Variants in RBFOX1 observed in about 807,000 individuals in gnomAD.
The protein encoded by RBFOX1 is RNA binding fox-1 homolog 1, also known as RNA binding protein fox-1 homolog 1.
A neutral mutation model predicts 57.7 loss-of-function variants in RBFOX1; 8 were observed. That is an observed-to-expected ratio of 0.14 (90% CI 0.08 to 0.25). The LOEUF is 0.25. Among genes scored for constraint, RBFOX1 ranks in the 10% least tolerant of loss-of-function variants. The pLI is 1.00. For missense variants in RBFOX1, 611 were observed against 548.5 expected, an observed-to-expected ratio of 1.11 and a Z score of -1.14; for synonymous variants, 326 against 222.4, an observed-to-expected ratio of 1.47 and a Z score of -4.15.
intron 14 of RBFOX1, among the ~76,000 whole-genome samples, chr16:7,706,808 C>T (rs2082602438): frequency 6.6e-6 from 1 of 152,136 alleles, no homozygotes; most frequent in African/African-American, 2.4e-5. Context: ...AGAGCAGTAC[C>T]AAGGTTATAG....
chr16:6,093,259 A>G (rs953403615), intron 1 of RBFOX1, among the ~76,000 whole-genome samples: 1 of 152,152 alleles, frequency 6.6e-6, no homozygotes, highest in Admixed American at 6.5e-5. Context: ...GTTATTATTC[A>G]ATAAAGAATA....
At chr16:6,895,305 T>A (rs1567759463) in intron 3 of RBFOX1, among the ~76,000 whole-genome samples, 2 of 151,308 alleles carry the variant, frequency 1.3e-5, no homozygotes, top group African/African-American at 2.4e-5. Context: ...AAAAAATATA[T>A]AAAACTGGTT....
chr16:6,673,632 C>G (rs762659428), intron 3 of RBFOX1, among the ~76,000 whole-genome samples: 13 of 152,034 alleles, frequency 8.6e-5, no homozygotes, highest in Non-Finnish European at 1.6e-4. Context: ...GTATTGAACA[C>G]AAAGTAATGA....
chr16:5,505,357 A>G (rs892512709), intron 2 of RBFOX1, among the ~76,000 whole-genome samples: 30 of 152,068 alleles, frequency 2.0e-4, no homozygotes, highest in African/African-American at 7.0e-4. Flanking sequence ...TTCTGCTTCT[A>G]TTGCTGCTCC....
At position 7,525,664 on chromosome 16, in the gene RBFOX1, C is replaced by G. The variant is rs9927476; in HGVS notation, c.270+7275C>G. Among the ~76,000 whole-genome samples, 257 of 152,270 alleles carry G rather than the reference C, an allele frequency of 1.7e-3. 2 individuals carry two copies. Among genetic ancestry groups the G allele is most frequent in the African/African-American group, 6.1e-3 (252 of 41,552 alleles). ...TCCCCCTCTCTGACAAAAGAAAGTA[C>G]TTTTAGAATTGTTGGGTGTCCTGGA... On this transcript the variant is annotated intron_variant, in intron 5 of 15. Coordinates refer to ENST00000550418, the MANE Select transcript of RBFOX1 (RefSeq NM_018723.4).
At chr16:5,347,150 C>T (rs1423781806) in intron 1 of RBFOX1, among the ~76,000 whole-genome samples, 1 of 152,140 alleles carries the variant, frequency 6.6e-6, no homozygotes, top group African/African-American at 2.4e-5. Context: ...TCTCCCCTTC[C>T]TGCTTCATGT....
intron 5 of RBFOX1, among the ~76,000 whole-genome samples, chr16:7,544,115 C>G (rs1391420997): frequency 6.6e-6 from 1 of 152,154 alleles, no homozygotes; most frequent in African/African-American, 2.4e-5. Flanking sequence ...GGGAATAAGA[C>G]CAGGAAAGCC....
chr16:6,556,374 C>G (rs1318579744), intron 2 of RBFOX1, among the ~76,000 whole-genome samples: 2 of 152,154 alleles, frequency 1.3e-5, no homozygotes, highest in East Asian at 1.9e-4. Context: ...TGCCGGCTCT[C>G]CTTTTATTCT....
At chr16:6,953,819 G>A (rs192164638) in intron 3 of RBFOX1, among the ~76,000 whole-genome samples, 3 of 152,250 alleles carry the variant, frequency 2.0e-5, no homozygotes, top group East Asian at 1.9e-4. Flanking sequence ...TGATAGAACC[G>A]AGAAAAATAA....
intron 1 of RBFOX1, among the ~76,000 whole-genome samples, chr16:5,284,652 C>T (rs1158615781): frequency 6.6e-6 from 1 of 150,398 alleles, no homozygotes. Context: ...AATGATCTTC[C>T]TGCCTCAGTC....
intron 2 of RBFOX1, among the ~76,000 whole-genome samples, chr16:6,563,986 G>C (rs2097220534): frequency 6.6e-6 from 1 of 151,940 alleles, no homozygotes; most frequent in African/African-American, 2.4e-5. Flanking sequence ...ATTTGGAGGG[G>C]ACAGACATGT....
chr16:6,528,275 C>G (rs147500254), intron 2 of RBFOX1, among the ~76,000 whole-genome samples: 135 of 152,344 alleles, frequency 8.9e-4, no homozygotes, highest in African/African-American at 3.1e-3. Context: ...TGCCCTTCAA[C>G]TCTCAGAGAC....
intron 4 of RBFOX1, among the ~76,000 whole-genome samples, chr16:7,178,455 ATT>A (rs1301819815): frequency 1.3e-5 from 2 of 152,066 alleles, no homozygotes. Context: ...TAAACACTAA[ATT>A]TTTTTTATTC....
intron 2 of RBFOX1, among the ~76,000 whole-genome samples, chr16:5,594,793 C>G (rs765855408): frequency 1.8e-4 from 28 of 151,778 alleles, no homozygotes; most frequent in Non-Finnish European, 3.8e-4. Flanking sequence ...CAGGGGCCTC[C>G]AAGATTTATT....
chr16:7,494,762 C>G (rs548514345), intron 4 of RBFOX1, among the ~76,000 whole-genome samples: 1 of 150,816 alleles, frequency 6.6e-6, no homozygotes, highest in African/African-American at 2.4e-5. Flanking sequence ...GCTTTCATTC[C>G]GAAACTCAGC....
chr16:7,525,104 T>G (rs2078395611), intron 5 of RBFOX1, among the ~76,000 whole-genome samples: 1 of 152,206 alleles, frequency 6.6e-6, no homozygotes, highest in Non-Finnish European at 1.5e-5. Flanking sequence ...TATGCCTGCT[T>G]GTCCTCTATC....
intron 4 of RBFOX1, among the ~76,000 whole-genome samples, chr16:7,225,349 A>C (rs926719230): frequency 5.3e-5 from 8 of 152,240 alleles, no homozygotes; most frequent in African/African-American, 1.7e-4. Flanking sequence ...TACTGTCCTC[A>C]TGGTAGTAAG....
chr16:6,630,409 G>A (rs996816705), intron 2 of RBFOX1, among the ~76,000 whole-genome samples: 5 of 152,158 alleles, frequency 3.3e-5, no homozygotes, highest in African/African-American at 1.2e-4. Context: ...AGAAAGTGAA[G>A]TTGATGATGG....
At chr16:6,989,104 G>C (rs1464208305) in intron 3 of RBFOX1, among the ~76,000 whole-genome samples, 1 of 152,036 alleles carries the variant, frequency 6.6e-6, no homozygotes, top group African/African-American at 2.4e-5. Flanking sequence ...GCCATGTTGG[G>C]CAGGTTGGCC....
Sources: allele counts gnomAD v4.1 joint callset (sites outside exome capture counted in the v4.1 genomes callset), GRCh38; gene constraint gnomAD v4.1.1; transcripts MANE v1.5; gene names NCBI Gene and HGNC (gene_info 2026-07-23, HGNC 2026-07-21).